SLC3A1: variants seen among roughly 807,000 people sequenced by gnomAD.
The protein encoded by SLC3A1 is amino acid transporter heavy chain SLC3A1.
SLC3A1 carries 78 observed loss-of-function variants against 60.3 expected under a neutral mutation model. The ratio of observed to expected loss-of-function variants is 1.29; its 90% CI spans 1.08 to 1.56. The LOEUF is 1.56. Ranked by LOEUF, SLC3A1 falls within the 40% of genes most tolerant of loss-of-function variation. SLC3A1 has a pLI of 0.00. For missense variants in SLC3A1, 1,172 were observed against 858.9 expected (o/e 1.36, Z -4.56); for synonymous variants, 392 against 307.9 (o/e 1.27, Z -2.86).
At chr2:44,314,030 A>G in intron 9 of SLC3A1, 79 bp downstream of exon 9, 1 of 1,600,652 alleles carries the variant, frequency 6.2e-7, no homozygotes, top group Non-Finnish European at 8.5e-7. Context: ...CTCACCCTGA[A>G]TGTGTCTAAA....
chr2:44,278,943 GACA>G (rs1302324156), intron 1 of SLC3A1, among the ~76,000 whole-genome samples: 4 of 151,946 alleles, frequency 2.6e-5, no homozygotes, highest in South Asian at 2.1e-4. Flanking sequence ...CCCGTGCACT[GACA>G]ACATTTATCA....
intron 4 of SLC3A1, among the ~76,000 whole-genome samples, chr2:44,290,961 T>G (rs982478316): frequency 2.6e-5 from 4 of 152,164 alleles, no homozygotes; most frequent in African/African-American, 9.7e-5. Context: ...ATGTGCTAAG[T>G]GCTGTTCCTG....
intron 4 of SLC3A1, among the ~76,000 whole-genome samples, chr2:44,288,382 C>G (rs1264086547): frequency 6.6e-6 from 1 of 152,126 alleles, no homozygotes; most frequent in Non-Finnish European, 1.5e-5. Flanking sequence ...TCAACAGTCA[C>G]TCCTTATGGC....
At chr2:44,296,357 T>C (rs1044994530) in intron 4 of SLC3A1, among the ~76,000 whole-genome samples, 2 of 152,240 alleles carry the variant, frequency 1.3e-5, no homozygotes, top group Admixed American at 6.5e-5. Context: ...TTTCTTGTGG[T>C]TGTAGTTCCA....
intron 9 of SLC3A1, 152 bp from the exon 10 acceptor site, chr2:44,320,047 T>C (rs1672791815): frequency 1.6e-6 from 1 of 640,196 alleles, no homozygotes. Flanking sequence ...TAAATTGTTC[T>C]TACCTACTTA....
chr2:44,284,479 T>C (rs1477587479), intron 3 of SLC3A1, among the ~76,000 whole-genome samples: 1 of 152,194 alleles, frequency 6.6e-6, no homozygotes, highest in Non-Finnish European at 1.5e-5. Flanking sequence ...AAAATGGTTG[T>C]ACCAATTTAT....
chr2:44,280,962 C>G, intron 2 of SLC3A1, 67 bp downstream of exon 2: 1 of 1,361,182 alleles, frequency 7.3e-7, no homozygotes, highest in Non-Finnish European at 1.1e-6. Flanking sequence ...CAAATGTTTA[C>G]TTAAAGCATT....
downstream of SLC3A1, chr2:44,321,969 T>G: frequency 6.9e-7 from 1 of 1,450,456 alleles, no homozygotes; most frequent in Non-Finnish European, 9.4e-7. Flanking sequence ...CGAGACCCAT[T>G]CCTCCCCTCT....
intron 1 of SLC3A1, among the ~76,000 whole-genome samples, chr2:44,279,831 G>A (rs1461377515): frequency 1.3e-5 from 2 of 152,026 alleles, no homozygotes; most frequent in Admixed American, 6.6e-5. Flanking sequence ...CCAAAGTGCT[G>A]GGATTACAGG....
chr2:44,301,176 C>G (rs751424664), intron 6 of SLC3A1, 49 bp downstream of exon 6: 1 of 1,611,116 alleles, frequency 6.2e-7, no homozygotes, highest in Admixed American at 1.7e-5. Flanking sequence ...AGTGTGTGAT[C>G]TGCAGTGTAT....
At chr2:44,279,498 C>T (rs1414724962) in intron 1 of SLC3A1, among the ~76,000 whole-genome samples, 1 of 152,164 alleles carries the variant, frequency 6.6e-6, no homozygotes, top group East Asian at 1.9e-4. Flanking sequence ...CTTTCTGCAG[C>T]TCTTCCTTAG....
intron 1 of SLC3A1, among the ~76,000 whole-genome samples, chr2:44,277,356 C>A (rs114747336): frequency 0.03 from 4,493 of 152,120 alleles, 236 homozygotes; most frequent in African/African-American, 0.1. Context: ...ATTTGCCCCC[C>A]CTTGGCCTCC....
rs781781225 is a variant in SLC3A1 at position 44,312,573 on chromosome 2, A to G, written c.1333-13A>G. The G allele has an allele frequency of 1.2e-6, 2 of 1,613,648 alleles. No homozygotes were observed. The highest frequency in any genetic ancestry group is 1.1e-5 in the South Asian group (1 of 91,072). ...TGTATACAGCTGTGTTCTTAAAAAT[A>G]TCTGCCTTTCAGATTGGTGGACCAG... On this transcript the variant is annotated splice_polypyrimidine_tract_variant and intron_variant, in intron 7 of 9. Transcript: ENST00000260649.
chr2:44,316,974 A>G (rs1180534586), intron 9 of SLC3A1, among the ~76,000 whole-genome samples: 1 of 149,014 alleles, frequency 6.7e-6, no homozygotes, highest in Non-Finnish European at 1.5e-5. Flanking sequence ...AAAACAAGGT[A>G]TTCTGGAACA....
intron 6 of SLC3A1, among the ~76,000 whole-genome samples, chr2:44,303,158 G>A (rs1375315098): frequency 2.0e-5 from 3 of 151,090 alleles, no homozygotes; most frequent in Non-Finnish European, 4.4e-5. Context: ...CCAAGATCAT[G>A]CCATTGCACT....
chr2:44,292,970 GGGA>G (rs2104352035), intron 4 of SLC3A1, among the ~76,000 whole-genome samples: 1 of 152,220 alleles, frequency 6.6e-6, no homozygotes, highest in East Asian at 1.9e-4. Context: ...TTTGGGGCCA[GGGA>G]GGAGGATGGT....
chr2:44,311,266 A>T (rs1304568260), intron 7 of SLC3A1, among the ~76,000 whole-genome samples: 1 of 152,040 alleles, frequency 6.6e-6, no homozygotes, highest in Non-Finnish European at 1.5e-5. Context: ...TCTCTTATCT[A>T]TTTGATAACT....
rs7566740 is a variant in SLC3A1, at chr2:44,296,789, C to T, written c.892-3182C>T. On this transcript the variant is annotated intron_variant, in intron 4 of 9. Coordinates refer to ENST00000260649, the MANE Select transcript of SLC3A1 (RefSeq NM_000341.4). ...CTTGAATTGTAATTCTCATAATCCC[C>T]ATGTGTTGTGGGGTGGAGCAGGTGG... 5.1e-3 allele frequency among the ~76,000 whole-genome samples: 783 copies of T among 152,252 alleles called. 2 individuals are homozygous for T. Among genetic ancestry groups the T allele is most frequent in the African/African-American group, 0.018 (739 of 41,542 alleles).
At chr2:44,304,474 C>T (rs1672101901) in intron 7 of SLC3A1, 136 bp downstream of exon 7, 4 of 721,484 alleles carry the variant, frequency 5.5e-6, no homozygotes, top group Admixed American at 2.1e-5. Context: ...AGTGGTCAGG[C>T]CTGTCACAGC....
Sources: gnomAD v4.1 joint callset for allele counts (sites outside exome capture counted in the v4.1 genomes callset) on GRCh38, gnomAD v4.1.1 for gene constraint, MANE v1.5 for transcripts, NCBI Gene and HGNC (gene_info 2026-07-23, HGNC 2026-07-21) for gene names.